The following JPH3 variants were observed in gnomAD, a reference collection of about 807,000 sequenced individuals.
The protein encoded by JPH3 is junctophilin 3.
In JPH3, 11 loss-of-function variants were observed where a neutral mutation model predicts 59.6. The ratio of observed to expected loss-of-function variants is 0.18; its 90% confidence interval spans 0.12 to 0.31. The LOEUF is 0.31. JPH3 is among the 10% of genes least tolerant of loss of function. JPH3 has a pLI of 1.00. For missense variants in JPH3, 1,202 were observed against 1,105.7 expected, an observed-to-expected ratio of 1.09 and a Z score of -1.24; for synonymous variants, 673 against 483.6, an observed-to-expected ratio of 1.39 and a Z score of -5.14.
chr16:87,647,571 C>T (rs540571045), intron 2 of JPH3, among the ~76,000 whole-genome samples: 10 of 152,308 alleles, frequency 6.6e-5, no homozygotes, highest in East Asian at 3.9e-4. Flanking sequence ...TCCCTTCGCC[C>T]GAGCGGGCGT....
At chr16:87,642,669 G>A (rs925551603) in intron 1 of JPH3, among the ~76,000 whole-genome samples, 1 of 152,216 alleles carries the variant, frequency 6.6e-6, no homozygotes, top group Non-Finnish European at 1.5e-5. Context: ...CCGGCTGCAG[G>A]GAGAAGCTCA....
At chr16:87,692,682 G>A (rs1261541437) in intron 4 of JPH3, among the ~76,000 whole-genome samples, 2 of 152,210 alleles carry the variant, frequency 1.3e-5, no homozygotes, top group African/African-American at 4.8e-5. Flanking sequence ...GGAAGCACAG[G>A]TTCTCCCTAC....
intron 2 of JPH3, among the ~76,000 whole-genome samples, chr16:87,665,288 C>G (rs1031039106): frequency 3.9e-5 from 6 of 152,224 alleles, no homozygotes; most frequent in African/African-American, 1.2e-4. Flanking sequence ...TTGCAAAGCC[C>G]CTGCGTGGGC....
At chr16:87,608,569 G>T (rs1864153) in intron 1 of JPH3, among the ~76,000 whole-genome samples, 1 of 151,916 alleles carries the variant, frequency 6.6e-6, no homozygotes, top group Non-Finnish European at 1.5e-5. Flanking sequence ...AGGAGAGGAG[G>T]AGAGAAGAGA....
intron 1 of JPH3, among the ~76,000 whole-genome samples, chr16:87,642,793 T>C (rs1445606014): frequency 2.0e-5 from 3 of 152,244 alleles, no homozygotes; most frequent in African/African-American, 7.2e-5. Flanking sequence ...ACGAGGACAC[T>C]GAGGGCCAGC....
chr16:87,606,412 C>T (rs2030523202), intron 1 of JPH3, among the ~76,000 whole-genome samples: 1 of 152,354 alleles, frequency 6.6e-6, no homozygotes, highest in South Asian at 2.1e-4. Context: ...ACTCCTCCTC[C>T]TCCAGGTGTG....
chr16:87,689,481 G>A (rs1489108853), intron 3 of JPH3, among the ~76,000 whole-genome samples, 165 bp from the exon 4 acceptor site: 4 of 150,834 alleles, frequency 2.7e-5, no homozygotes, highest in African/African-American at 9.8e-5. Flanking sequence ...AGAGGGCTTT[G>A]GGAGCCACGG....
intron 1 of JPH3, among the ~76,000 whole-genome samples, chr16:87,642,146 G>A (rs1411360961): frequency 6.6e-5 from 10 of 152,028 alleles, no homozygotes; most frequent in East Asian, 1.9e-4. Context: ...CCCTGGGGAC[G>A]GACAGGTCAC....
chr16:87,688,645 G>GC, intron 3 of JPH3, among the ~76,000 whole-genome samples: 1 of 152,064 alleles, frequency 6.6e-6, no homozygotes, highest in African/African-American at 2.4e-5. Flanking sequence ...GTCCTCAGAG[G>GC]GAAGACTCCC....
chr16:87,649,473 A>G (rs1213575174), intron 2 of JPH3, among the ~76,000 whole-genome samples: 2 of 152,170 alleles, frequency 1.3e-5, no homozygotes, highest in Non-Finnish European at 2.9e-5. Flanking sequence ...GCTCTAGAAG[A>G]TGAAACTCAA....
chr16:87,636,142 T>A lies in JPH3; in HGVS notation c.383-8116T>A, dbSNP rs2031738102. 2.0e-5 allele frequency among the ~76,000 whole-genome samples: 3 copies of A among 152,170 alleles called. No homozygotes were observed. In the South Asian group the frequency reaches 6.2e-4, roughly 32 times the overall value. On this transcript the variant is annotated intron_variant, in intron 1 of 4. Transcript: ENST00000284262. ...CCTGTTCTGCAGGTGACCAGTTAGG[T>A]TCGATGGGACAGGCTTTGGGAATCA...
chr16:87,618,039 C>A (rs939806910), intron 1 of JPH3, among the ~76,000 whole-genome samples: 1 of 152,126 alleles, frequency 6.6e-6, no homozygotes, highest in African/African-American at 2.4e-5. Flanking sequence ...CAGCCTGCGC[C>A]TGCAGTCCCA....
intron 1 of JPH3, among the ~76,000 whole-genome samples, chr16:87,630,271 C>T (rs1032694939): frequency 1.3e-5 from 2 of 152,188 alleles, no homozygotes; most frequent in African/African-American, 4.8e-5. Flanking sequence ...GCACCTCCCA[C>T]CCTAGGGGGA....
intron 3 of JPH3, 36 bp downstream of exon 3, chr16:87,684,302 G>GCCCT: frequency 6.2e-7 from 1 of 1,610,328 alleles, no homozygotes; most frequent in Non-Finnish European, 8.5e-7. Context: ...GCATCGTGGG[G>GCCCT]AGGGGGTGCG....
chr16:87,683,093 G>A (rs1187213128), intron 2 of JPH3, among the ~76,000 whole-genome samples: 9 of 152,352 alleles, frequency 5.9e-5, no homozygotes, highest in Non-Finnish European at 1.5e-5. Context: ...TCGGCTGGGT[G>A]AGGGAACTGC....
chr16:87,665,834 T>C (rs1437782994), intron 2 of JPH3, among the ~76,000 whole-genome samples: 1 of 152,206 alleles, frequency 6.6e-6, no homozygotes, highest in Non-Finnish European at 1.5e-5. Flanking sequence ...CTTCCCAGAA[T>C]GTTCTGTCCC....
chr16:87,658,222 C>T (rs1438561333), intron 2 of JPH3, among the ~76,000 whole-genome samples: 6 of 152,166 alleles, frequency 3.9e-5, no homozygotes, highest in African/African-American at 1.2e-4. Context: ...CCTGAGGTCG[C>T]AGGGCTACCA....
chr16:87,678,335 T>A (rs1249211777), intron 2 of JPH3, among the ~76,000 whole-genome samples: 1 of 152,134 alleles, frequency 6.6e-6, no homozygotes, highest in African/African-American at 2.4e-5. Flanking sequence ...CCTGAGGGTT[T>A]TGAGACCAGC....
intron 2 of JPH3, among the ~76,000 whole-genome samples, chr16:87,648,704 A>C (rs1447715695): frequency 6.6e-6 from 1 of 152,094 alleles, no homozygotes; most frequent in Non-Finnish European, 1.5e-5. Flanking sequence ...GGGTGGAGTC[A>C]CCATGGGTTC....
Sources: allele counts gnomAD v4.1 joint callset (sites outside exome capture counted in the v4.1 genomes callset), GRCh38; gene constraint gnomAD v4.1.1; transcripts MANE v1.5; gene names NCBI Gene and HGNC (gene_info 2026-07-23, HGNC 2026-07-21).